Variants in PTPRD observed in about 807,000 individuals in gnomAD.
PTPRD encodes receptor-type tyrosine-protein phosphatase delta.
PTPRD carries 34 observed loss-of-function variants against 214.5 expected under a neutral mutation model. The observed-to-expected ratio is 0.16, with a 90% confidence interval of 0.12 to 0.21. The LOEUF (loss-of-function observed/expected upper bound fraction) is 0.21, where lower values mean the gene tolerates loss of function less well. PTPRD is among the 10% of genes least tolerant of loss of function. PTPRD has a pLI of 1.00. For missense variants in PTPRD, 2,545 were observed against 2,398.7 expected, an observed-to-expected ratio of 1.06 and a Z score of -1.27; for synonymous variants, 1,128 against 845.7, an observed-to-expected ratio of 1.33 and a Z score of -5.79.
intron 9 of PTPRD, among the ~76,000 whole-genome samples, chr9:9,191,273 T>C (rs2099934983): frequency 6.6e-6 from 1 of 152,084 alleles, no homozygotes; most frequent in South Asian, 2.1e-4. Flanking sequence ...ACTGAAGGCT[T>C]GTCAACAATC....
chr9:10,370,221 G>T (rs1187647272), intron 2 of PTPRD, among the ~76,000 whole-genome samples: 2 of 152,024 alleles, frequency 1.3e-5, no homozygotes, highest in African/African-American at 4.8e-5. Flanking sequence ...ATGTTGAAAA[G>T]CCTCACTTAT....
chr9:8,464,234 G>T (rs1024308515), intron 32 of PTPRD, among the ~76,000 whole-genome samples: 31 of 151,868 alleles, frequency 2.0e-4, no homozygotes, highest in Admixed American at 1.5e-3. Flanking sequence ...TTTTTGAAAT[G>T]TTCCTAGAGC....
At chr9:9,350,232 CTT>C (rs2050591445) in intron 9 of PTPRD, among the ~76,000 whole-genome samples, 1 of 152,086 alleles carries the variant, frequency 6.6e-6, no homozygotes, top group African/African-American at 2.4e-5. Context: ...AATAATAACT[CTT>C]AGACTGGATT....
intron 3 of PTPRD, among the ~76,000 whole-genome samples, chr9:10,221,785 G>GT (rs148340533): frequency 2.4e-3 from 358 of 148,230 alleles, no homozygotes; most frequent in African/African-American, 6.3e-3. Flanking sequence ...CTAAAAAACT[G>GT]TTTTTTTTTT....
At chr9:9,928,520 A>G (rs1298251076) in intron 5 of PTPRD, among the ~76,000 whole-genome samples, 2 of 152,188 alleles carry the variant, frequency 1.3e-5, no homozygotes, top group African/African-American at 2.4e-5. Flanking sequence ...GATCACTTAC[A>G]CAAAGTAAAG....
intron 3 of PTPRD, among the ~76,000 whole-genome samples, chr9:10,076,358 A>G (rs974486820): frequency 3.9e-5 from 6 of 151,924 alleles, no homozygotes; most frequent in African/African-American, 1.5e-4. Flanking sequence ...CTGTGGGAAG[A>G]TTTTCTCAGA....
chr9:10,497,537 AT>A (rs2042424455), intron 2 of PTPRD, among the ~76,000 whole-genome samples: 1 of 152,000 alleles, frequency 6.6e-6, no homozygotes, highest in South Asian at 2.1e-4. Context: ...TCAAACATGT[AT>A]TTTATTTGCG....
intron 10 of PTPRD, among the ~76,000 whole-genome samples, chr9:9,054,474 A>G (rs1369512360): frequency 2.0e-5 from 3 of 152,210 alleles, no homozygotes; most frequent in Non-Finnish European, 2.9e-5. Context: ...AGTAATATTT[A>G]TGATGATTCC....
intron 2 of PTPRD, among the ~76,000 whole-genome samples, chr9:10,607,254 C>A (rs1012975226): frequency 1.6e-4 from 24 of 151,822 alleles, no homozygotes; most frequent in African/African-American, 5.8e-4. Context: ...AATACATGGA[C>A]TCATTATTAA....
chr9:8,735,726 A>G (rs938452513), intron 11 of PTPRD, among the ~76,000 whole-genome samples: 1 of 152,108 alleles, frequency 6.6e-6, no homozygotes, highest in South Asian at 2.1e-4. Context: ...CCTGGCCAAC[A>G]TGGTGAAACT....
At chr9:9,061,957 C>G (rs989977640) in intron 10 of PTPRD, among the ~76,000 whole-genome samples, 2 of 152,096 alleles carry the variant, frequency 1.3e-5, no homozygotes, top group African/African-American at 4.8e-5. Flanking sequence ...CCACCAAGAA[C>G]CGACTGTGGG....
chr9:9,309,939 T>C (rs973322736), intron 9 of PTPRD, among the ~76,000 whole-genome samples: 2 of 152,148 alleles, frequency 1.3e-5, no homozygotes, highest in African/African-American at 2.4e-5. Context: ...CTCCTTATAA[T>C]GGTGTGAAGA....
At chr9:10,099,938 C>A (rs1257431245) in intron 3 of PTPRD, among the ~76,000 whole-genome samples, 1 of 151,674 alleles carries the variant, frequency 6.6e-6, no homozygotes, top group Non-Finnish European at 1.5e-5. Context: ...TATGAATGCA[C>A]ATTAACATTT....
chr9:9,189,716 T>C (rs1480024971), intron 9 of PTPRD, among the ~76,000 whole-genome samples: 1 of 152,098 alleles, frequency 6.6e-6, no homozygotes, highest in Non-Finnish European at 1.5e-5. Flanking sequence ...CAGTGATAAA[T>C]GGTAAATATT....
At chr9:10,071,928 A>G (rs1223925548) in intron 3 of PTPRD, among the ~76,000 whole-genome samples, 2 of 151,950 alleles carry the variant, frequency 1.3e-5, no homozygotes, top group African/African-American at 4.8e-5. Flanking sequence ...AATAATTATT[A>G]TCTACTAAAT....
intron 14 of PTPRD, among the ~76,000 whole-genome samples, chr9:8,544,580 T>C (rs1041078905): frequency 6.0e-5 from 9 of 150,616 alleles, no homozygotes; most frequent in South Asian, 2.1e-4. Context: ...AGTGATCCTC[T>C]TGCCTCAGCC....
At chr9:9,350,774 A>G (rs575749959) in intron 9 of PTPRD, among the ~76,000 whole-genome samples, 1 of 152,228 alleles carries the variant, frequency 6.6e-6, no homozygotes, top group South Asian at 2.1e-4. Context: ...ATAGTACAAT[A>G]TAAATTAAAC....
chr9:8,472,180 G>C (rs1431523896), intron 30 of PTPRD, among the ~76,000 whole-genome samples: 1 of 152,062 alleles, frequency 6.6e-6, no homozygotes, highest in Non-Finnish European at 1.5e-5. Context: ...GGTGGCAGTG[G>C]TCTGTCTCTT....
At chr9:9,762,722 T>G (rs191063304) in intron 6 of PTPRD, among the ~76,000 whole-genome samples, 1 of 152,212 alleles carries the variant, frequency 6.6e-6, no homozygotes, top group African/African-American at 2.4e-5. Context: ...ATTTCTTTCA[T>G]GCAACTCAGA....
Sources: allele counts gnomAD v4.1 joint callset (sites outside exome capture counted in the v4.1 genomes callset), GRCh38; gene constraint gnomAD v4.1.1; transcripts MANE v1.5; gene names NCBI Gene and HGNC (gene_info 2026-07-23, HGNC 2026-07-21).